GNB5: variants seen among roughly 807,000 people sequenced by gnomAD.
GNB5 encodes the protein guanine nucleotide-binding protein subunit beta-5.
A neutral mutation model predicts 55.3 loss-of-function variants in GNB5; 37 were observed. That is an observed-to-expected ratio of 0.67 (90% confidence interval 0.51 to 0.88). GNB5 has a LOEUF of 0.88. Ranked by LOEUF, GNB5 falls within the 40% of genes least tolerant of loss-of-function variation. GNB5 has a pLI of 0.00. For missense variants in GNB5, 476 were observed against 515.3 expected (o/e 0.92, Z 0.74); for synonymous variants, 219 against 198.5 (o/e 1.10, Z -0.87).
At chr15:52,124,206 T>C (rs1345044373) in intron 12 of GNB5, among the ~76,000 whole-genome samples, 1 of 152,146 alleles carries the variant, frequency 6.6e-6, no homozygotes, top group African/African-American at 2.4e-5. Flanking sequence ...AGGAACTTTC[T>C]GGATGATCAA....
At chr15:52,153,515 T>A (rs2034144110) in intron 4 of GNB5, among the ~76,000 whole-genome samples, 1 of 152,200 alleles carries the variant, frequency 6.6e-6, no homozygotes, top group Non-Finnish European at 1.5e-5. Flanking sequence ...AAACTGTAAA[T>A]GATATGATTT....
chr15:52,128,065 T>G, intron 10 of GNB5, 131 bp downstream of exon 10: 1 of 570,468 alleles, frequency 1.8e-6, no homozygotes. Flanking sequence ...TCAAGGTAAT[T>G]TAATATTCCC....
chr15:52,184,354 C>T (rs979006235), intron 2 of GNB5, among the ~76,000 whole-genome samples, 197 bp downstream of exon 2: 6 of 152,170 alleles, frequency 3.9e-5, no homozygotes, highest in Admixed American at 3.3e-4. Flanking sequence ...TAACTAGGAA[C>T]ATCAATAGGA....
At chr15:52,167,392 G>A (rs1769680954) in intron 3 of GNB5, among the ~76,000 whole-genome samples, 1 of 152,122 alleles carries the variant, frequency 6.6e-6, no homozygotes, top group South Asian at 2.1e-4. Context: ...AACTTTGGCC[G>A]AGTGCAGTGG....
Position 52,135,596 on chromosome 15 carries a change from T to C in GNB5, c.771+17A>G. ...AGTGGACACAGGAGCCCTAGGGAAT[T>C]TCCACTGGGTCTTTACCCCAGACAC... is the stretch of plus-strand genomic sequence containing the variant. On this transcript the variant is annotated intron_variant, in intron 8 of 12. Coordinates refer to ENST00000261837, the MANE Select transcript of GNB5 (RefSeq NM_016194.4). 6.2e-7 allele frequency: 1 copy of C among 1,612,028 alleles called. No homozygotes were observed. Among genetic ancestry groups the C allele is most frequent in the Non-Finnish European group, 8.5e-7 (1 of 1,178,492 alleles).
At position 52,147,524 on chromosome 15, in the gene GNB5, G is replaced by T; in HGVS notation, c.429C>A (p.Val143=). The T allele has an allele frequency of 6.3e-7, 1 of 1,589,724 alleles. No individual in the cohort carries two copies. The highest frequency in any genetic ancestry group is 1.1e-5 in the South Asian group (1 of 89,596). Residue 143 remains valine (V), a synonymous_variant, in exon 6 of 13, where the codon GTC becomes GTA. Transcript: ENST00000261837. ...DSFTTNKEHA[V]TMPCTWVMAC... is the part of the protein sequence containing the mutation. ...CCATCACCCACGTGCAGGGCATGGTGACCGCGTGCTCCTGAAACACAGCAC... is the reference window on the plus strand; with the variant it reads ...CCATCACCCACGTGCAGGGCATGGTTACCGCGTGCTCCTGAAACACAGCAC...
In GNB5 at chr15:52,143,715, C is replaced by T. The variant is rs1209673427; in HGVS notation, c.495-2443G>A. On this transcript the variant is annotated intron_variant, in intron 6 of 12. Transcript: ENST00000261837. ...CAATGACTTTTAGAGAATGTGGCAT[C>T]GGTGTGGGTCTATTACAGATAACAG... Among the ~76,000 whole-genome samples the T allele has an allele frequency of 3.3e-5, 5 of 152,150 alleles. No individual in the cohort carries two copies. In the East Asian group the frequency reaches 5.8e-4, roughly 18 times the overall value.
intron 3 of GNB5, among the ~76,000 whole-genome samples, chr15:52,155,956 CTTATT>C (rs1400578361): frequency 6.6e-6 from 1 of 152,310 alleles, no homozygotes; most frequent in Non-Finnish European, 1.5e-5. Flanking sequence ...CCTCAACGGC[CTTATT>C]TTAATTCCAC....
intron 2 of GNB5, among the ~76,000 whole-genome samples, chr15:52,183,043 T>G (rs2141242694): frequency 6.6e-6 from 1 of 152,200 alleles, no homozygotes; most frequent in East Asian, 1.9e-4. Flanking sequence ...CCTCAGCTAC[T>G]CAGGAGGCTG....
intron 3 of GNB5, among the ~76,000 whole-genome samples, chr15:52,175,252 A>G (rs1383328815): frequency 6.6e-6 from 1 of 152,182 alleles, no homozygotes; most frequent in African/African-American, 2.4e-5. Context: ...TGCTCTGGGG[A>G]ATAAACCATA....
rs1423351454 is a variant in GNB5 at position 52,118,743 on chromosome 15, C to T, written c.*4014G>A. ...ATTAGCCGGGCGTGGTGGTGCATGC[C>T]TTGTAATCCCAGCTACTCGGGAGGC... On this transcript the variant is annotated 3_prime_UTR_variant, in exon 13 of 13. Transcript: ENST00000261837. 6.6e-6 allele frequency: 1 copy of T among 151,842 alleles called. No homozygotes were observed. The highest frequency in any genetic ancestry group is 6.6e-5 in the Admixed American group (1 of 15,208). The allele number at this position is 151,842 out of a possible 1,614,324, so 9.4% of individuals were successfully genotyped here. A position where few individuals can be genotyped will look rare whatever the true frequency, so the allele number is the denominator to read the frequency against.
intron 3 of GNB5, among the ~76,000 whole-genome samples, chr15:52,168,719 ATAC>A (rs1478462348): frequency 6.6e-6 from 1 of 152,212 alleles, no homozygotes. Flanking sequence ...ACTTCAAAAT[ATAC>A]TACAAGGCTA....
intron 3 of GNB5, among the ~76,000 whole-genome samples, chr15:52,155,079 C>T (rs1223309774): frequency 1.3e-5 from 2 of 152,240 alleles, no homozygotes; most frequent in African/African-American, 4.8e-5. Flanking sequence ...CATGGCCACT[C>T]TCCACTTCCC....
At chr15:52,178,456 A>G (rs1260524278) in intron 3 of GNB5, among the ~76,000 whole-genome samples, 3 of 152,160 alleles carry the variant, frequency 2.0e-5, no homozygotes, top group African/African-American at 7.2e-5. Context: ...GAGCTGTGGC[A>G]ATCATATTAT....
At chr15:52,158,224 G>A (rs1316426097) in intron 3 of GNB5, among the ~76,000 whole-genome samples, 3 of 152,184 alleles carry the variant, frequency 2.0e-5, no homozygotes, top group South Asian at 2.1e-4. Flanking sequence ...TGGCTCTGTC[G>A]CACACCAGCT....
At position 52,116,815 on chromosome 15, in the gene GNB5, C is replaced by G. The variant is rs1415706409; in HGVS notation, c.*5942G>C. Reference sequence around the variant, plus strand: ...TGCCTAGCAACTGCCTGTCCAACCTCGGACTGGTGTGACCTTTGTTATTGA... The same window carrying G: ...TGCCTAGCAACTGCCTGTCCAACCTGGGACTGGTGTGACCTTTGTTATTGA... On this transcript the variant is annotated 3_prime_UTR_variant, in exon 13 of 13. Transcript: ENST00000261837. The G allele has an allele frequency of 6.6e-6, 1 of 152,102 alleles. No homozygotes were observed. The highest frequency in any genetic ancestry group is 2.4e-5 in the African/African-American group (1 of 41,408). 9.4% of individuals were successfully genotyped at this position (152,102 alleles called of 1,614,324 possible).
chr15:52,185,504 C>T (rs182024467), intron 1 of GNB5, among the ~76,000 whole-genome samples: 1 of 152,162 alleles, frequency 6.6e-6, no homozygotes. Flanking sequence ...GCAGCAATAG[C>T]GGGAACAGTG....
intron 4 of GNB5, among the ~76,000 whole-genome samples, chr15:52,152,322 T>C (rs749490222): frequency 2.0e-5 from 3 of 151,528 alleles, no homozygotes; most frequent in Non-Finnish European, 2.9e-5. Flanking sequence ...TTATATAATA[T>C]CTTTTTTTTT....
chr15:52,128,751 T>A (rs1261227593), intron 9 of GNB5: 16 of 456,752 alleles, frequency 3.5e-5, no homozygotes. Flanking sequence ...CATAAGACAG[T>A]CCATGCAAAG....
Sources: allele counts gnomAD v4.1 joint callset (sites outside exome capture counted in the v4.1 genomes callset), GRCh38; gene constraint gnomAD v4.1.1; transcripts MANE v1.5; gene names NCBI Gene and HGNC (gene_info 2026-07-23, HGNC 2026-07-21).